DYNLRB1: variants seen among roughly 807,000 people sequenced by gnomAD.
DYNLRB1 encodes the protein ROBL/LC7-like 1.
A neutral mutation model predicts 13.5 loss-of-function variants in DYNLRB1; 6 were observed. The observed-to-expected ratio is 0.44, with a 90% CI of 0.24 to 0.88. The LOEUF (loss-of-function observed/expected upper bound fraction) is 0.88. Among genes scored for constraint, DYNLRB1 ranks in the 40% least tolerant of loss-of-function variants. DYNLRB1 has a pLI of 0.21. For missense variants in DYNLRB1, 93 were observed against 127.2 expected, an observed-to-expected ratio of 0.73 and a Z score of 1.29; for synonymous variants, 43 against 45.0, an observed-to-expected ratio of 0.96 and a Z score of 0.18.
chr20:34,516,980 CTAGAAGCTT>C lies in DYNLRB1; in HGVS notation c.3+520_3+528del, dbSNP rs921628601. 47 of 1,287,154 alleles carry C rather than the reference CTAGAAGCTT, an allele frequency of 3.7e-5. No homozygotes were observed. In the African/African-American group the frequency reaches 7.0e-4, roughly 19 times the overall value. 79.7% of individuals were successfully genotyped at this position (1,287,154 alleles called of 1,614,324 possible). A position where few individuals can be genotyped will look rare whatever the true frequency, so the allele number is the denominator to read the frequency against. On this transcript the variant is annotated intron_variant, in intron 1 of 3. Transcript: ENST00000357156. ...GAAATAGTGGAGATGGATTTGAACC[CTAGAAGCTT>C]GACGGCCGCCACTCTGTCGGCGTGG... is the stretch of plus-strand genomic sequence containing the variant.
rs761754238 is a variant in DYNLRB1, at chr20:34,526,282, G to A, written c.18G>A (p.Glu6=). 6.2e-7 allele frequency: 1 copy of A among 1,614,006 alleles called. No individual in the cohort carries two copies. The highest frequency in any genetic ancestry group is 2.2e-5 in the East Asian group (1 of 44,902). Residue 6 remains glutamate, a synonymous_variant, in exon 2 of 4, where the codon GAG becomes GAA. Transcript: ENST00000357156. MAEVE[E]TLKRLQSQKG... is the part of the protein sequence containing the mutation. ...TTTTCTGGCAGGCAGAGGTGGAGGAGACACTGAAGCGACTGCAGAGCCAGA... is the reference window on the plus strand; with the variant it reads ...TTTTCTGGCAGGCAGAGGTGGAGGAAACACTGAAGCGACTGCAGAGCCAGA...
At chr20:34,534,174 G>A (rs945467478) in intron 2 of DYNLRB1, among the ~76,000 whole-genome samples, 1 of 152,188 alleles carries the variant, frequency 6.6e-6, no homozygotes, top group African/African-American at 2.4e-5. Flanking sequence ...TCAATTCTAA[G>A]CACTATGAAT....
rs115655348 is a variant in DYNLRB1 at position 34,533,393 on chromosome 20, A to G, written c.80-1235A>G. The G allele has an allele frequency of 2.0e-3, 1,649 of 829,080 alleles. 26 individuals carry two copies. In the African/African-American group the frequency reaches 0.028, roughly 14 times the overall value. The allele number at this position is 829,080 out of a possible 1,614,324, so 51.4% of individuals were successfully genotyped here. Reference sequence around the variant, plus strand: ...ATGTTTCTGTGCCTGTTGTACAAACATAGAAACATGCTTTAACTTGGCACG... The same window carrying G: ...ATGTTTCTGTGCCTGTTGTACAAACGTAGAAACATGCTTTAACTTGGCACG... On this transcript the variant is annotated intron_variant, in intron 2 of 3. Coordinates refer to ENST00000357156, the MANE Select transcript of DYNLRB1 (RefSeq NM_014183.4).
chr20:34,529,872 C>T, intron 2 of DYNLRB1: 1 of 1,528,590 alleles, frequency 6.5e-7, no homozygotes. Context: ...GCCCTTGGGA[C>T]ACTGTGGAGA....
intron 3 of DYNLRB1, among the ~76,000 whole-genome samples, chr20:34,538,562 G>A (rs1278762352): frequency 6.6e-6 from 1 of 152,192 alleles, no homozygotes; most frequent in African/African-American, 2.4e-5. Flanking sequence ...CACCTGAAGT[G>A]GTATTGTTGC....
At chr20:34,518,211 T>TATTC (rs1422941861) in intron 1 of DYNLRB1, among the ~76,000 whole-genome samples, 1 of 152,180 alleles carries the variant, frequency 6.6e-6, no homozygotes, top group East Asian at 1.9e-4. Flanking sequence ...TCCTCTATTC[T>TATTC]ATTCCATTGG....
chr20:34,535,944 C>T (rs1036346119), intron 3 of DYNLRB1: 2 of 985,130 alleles, frequency 2.0e-6, no homozygotes, highest in African/African-American at 3.5e-5. Context: ...CCACAGAGTT[C>T]TGAGGTAATT....
At chr20:34,538,647 ATTAT>A (rs1981356673) in intron 3 of DYNLRB1, among the ~76,000 whole-genome samples, 1 of 152,078 alleles carries the variant, frequency 6.6e-6, no homozygotes, top group Non-Finnish European at 1.5e-5. Context: ...TGGCTTGTTA[ATTAT>A]TTCTGTTTTC....
At chr20:34,532,460 C>T (rs757974808) in intron 2 of DYNLRB1, among the ~76,000 whole-genome samples, 9 of 152,182 alleles carry the variant, frequency 5.9e-5, no homozygotes, top group Non-Finnish European at 1.2e-4. Flanking sequence ...ATTCATCAGA[C>T]TGACTTGCTG....
At chr20:34,534,952 C>T (rs1981025125) in intron 3 of DYNLRB1, 157 bp downstream of exon 3, 1 of 1,493,490 alleles carries the variant, frequency 6.7e-7, no homozygotes, top group Non-Finnish European at 8.9e-7. Flanking sequence ...AGCCAGCCTC[C>T]AGCTGGTGTC....
chr20:34,525,869 G>A (rs193186657), intron 1 of DYNLRB1, among the ~76,000 whole-genome samples: 64 of 152,320 alleles, frequency 4.2e-4, no homozygotes, highest in South Asian at 2.9e-3. Flanking sequence ...AAATGACAAA[G>A]TGTTGTCTTC....
intron 3 of DYNLRB1, chr20:34,535,992 T>TGC: frequency 2.0e-6 from 2 of 985,234 alleles, no homozygotes; most frequent in Non-Finnish European, 2.4e-6. Flanking sequence ...CAGACCAGCA[T>TGC]AGGTTCTGTC....
chr20:34,540,250 G>A (rs531864980), intron 3 of DYNLRB1, among the ~76,000 whole-genome samples: 3 of 152,320 alleles, frequency 2.0e-5, no homozygotes, highest in South Asian at 4.1e-4. Context: ...ATTCATTGGA[G>A]CTCTTTGAAC....
chr20:34,516,257 C>T, upstream of DYNLRB1, among the ~76,000 whole-genome samples: 1 of 152,270 alleles, frequency 6.6e-6, no homozygotes, highest in East Asian at 1.9e-4. Flanking sequence ...CGCACTGCTC[C>T]TTAGCTTTTC....
At chr20:34,531,810 C>T (rs1415411129) in intron 2 of DYNLRB1, among the ~76,000 whole-genome samples, 1 of 152,120 alleles carries the variant, frequency 6.6e-6, no homozygotes, top group Admixed American at 6.5e-5. Context: ...GGGATGGTGC[C>T]AGTGGGGATG....
chr20:34,530,218 T>C (rs1980607644), intron 2 of DYNLRB1: 4 of 1,114,570 alleles, frequency 3.6e-6, no homozygotes, highest in Non-Finnish European at 4.4e-6. Flanking sequence ...CCCTAGCTGC[T>C]TACCTTTTGG....
intron 1 of DYNLRB1, among the ~76,000 whole-genome samples, chr20:34,517,627 C>CTTTTTTT (rs60155819): frequency 1.7e-4 from 21 of 120,392 alleles, no homozygotes; most frequent in Non-Finnish European, 2.4e-4. Flanking sequence ...TTCATTATTT[C>CTTTTTTT]TTTTTTTTTT....
intron 2 of DYNLRB1, chr20:34,529,941 C>G: frequency 1.4e-6 from 2 of 1,444,714 alleles, no homozygotes; most frequent in South Asian, 2.8e-5. Flanking sequence ...TGAGGCAACT[C>G]CTTTCCCCGC....
At chr20:34,516,487 C>G in intron 1 of DYNLRB1, 26 bp downstream of exon 1, 6 of 1,612,286 alleles carry the variant, frequency 3.7e-6, no homozygotes, top group Non-Finnish European at 5.1e-6. Flanking sequence ...GGTCTTGTGG[C>G]TGGCGGCCGC....
Sources: allele counts gnomAD v4.1 joint callset (sites outside exome capture counted in the v4.1 genomes callset), GRCh38; gene constraint gnomAD v4.1.1; transcripts MANE v1.5; gene names NCBI Gene and HGNC (gene_info 2026-07-23, HGNC 2026-07-21).